The following PLD2 variants were observed in gnomAD, a reference collection of about 807,000 sequenced individuals.
PLD2 encodes choline phosphatase 2.
A neutral mutation model predicts 119.8 loss-of-function variants in PLD2; 101 were observed. The ratio of observed to expected loss-of-function variants is 0.84; its 90% CI spans 0.72 to 0.99. The LOEUF (loss-of-function observed/expected upper bound fraction) is 0.99. Ranked by LOEUF, PLD2 falls within the 50% of genes least tolerant of loss-of-function variation. The probability of loss-of-function intolerance (pLI) is 0.00; values close to 1 mark genes in which losing one functional copy is unlikely to be tolerated. For synonymous variants in PLD2, 494 were observed against 482.8 expected (o/e 1.02, Z -0.30); for missense variants, 1,164 against 1,226.8 (o/e 0.95, Z 0.76).
chr17:4,823,037 G>T lies in PLD2; in HGVS notation c.*173G>T. On this transcript the variant is annotated 3_prime_UTR_variant, in exon 25 of 25. Coordinates refer to ENST00000263088, the MANE Select transcript of PLD2 (RefSeq NM_002663.5). ...CCCTTACGTGAGAAATAGCTGAAAA[G>T]GGCACTCCCAACCCTGGGCTGGGGA... 1 of 581,722 alleles carries T rather than the reference G, an allele frequency of 1.7e-6. No homozygotes were observed. The highest frequency in any genetic ancestry group is 3.1e-6 in the Non-Finnish European group (1 of 326,364). 36.0% of individuals were successfully genotyped at this position (581,722 alleles called of 1,614,324 possible).
At position 4,816,956 on chromosome 17, in the gene PLD2, G is replaced by C. The variant is rs765225142; in HGVS notation, c.1602G>C (p.Thr534=). The C allele has an allele frequency of 1.2e-6, 2 of 1,613,514 alleles. No homozygotes were observed. The highest frequency in any genetic ancestry group is 1.7e-6 in the Non-Finnish European group (2 of 1,179,662). The change falls in exon 16 of 25, where the codon ACG becomes ACC. Residue 534 remains threonine, a synonymous_variant. Coordinates refer to ENST00000263088, the MANE Select transcript of PLD2 (RefSeq NM_002663.5). ...CCCCAGATTTCATTGACAGGGAGAC[G>C]ACCCCTCGGATGCCATGGCGGGACG... ...RPFEDFIDRE[T]TPRMPWRDVG...
chr17:4,812,898 G>C (rs1045306290), intron 10 of PLD2, among the ~76,000 whole-genome samples: 1 of 152,204 alleles, frequency 6.6e-6, no homozygotes, highest in East Asian at 1.9e-4. Context: ...GGAGCAGTCA[G>C]AGGAGAAGCT....
rs370530803 is a variant in PLD2, at chr17:4,821,792, G to T, written c.2463-1G>T. On this transcript the variant is annotated splice_acceptor_variant, in intron 23 of 24. Transcript: ENST00000263088. LOFTEE classifies it high-confidence loss of function. The stretch of plus-strand genomic sequence containing the variant: ...CCTGCTGGGACCCCTTTCTCCTATA[G>T]TGTGATTCTTGGAGCAAATACCCGG... 6.2e-6 allele frequency: 10 copies of T among 1,608,670 alleles called. No homozygotes were observed. Among genetic ancestry groups the T allele is most frequent in the Non-Finnish European group, 6.8e-6 (8 of 1,175,100 alleles).
rs758547868 is a variant in PLD2 at position 4,817,155 on chromosome 17, G to A, written c.1711G>A (p.Ala571Thr). ...CATCCCTCCACGTCAGACCACCAAG[G>A]CCAAGTACAAGACTCCCACATACCC... ...QRWNFTKTTK[A>T]KYKTPTYPYL... is the part of the protein sequence containing the mutation. The change falls in exon 17 of 25, where the codon GCC becomes ACC. Residue 571 changes from alanine (A) to threonine (T), a missense_variant. Ala to Thr is a moderately conservative substitution (Grantham distance 58). Coordinates refer to ENST00000263088, the MANE Select transcript of PLD2 (RefSeq NM_002663.5). 2.5e-6 allele frequency: 4 copies of A among 1,613,240 alleles called. No individual in the cohort carries two copies. In the Admixed American group the frequency reaches 6.7e-5, roughly 27 times the overall value.
intron 10 of PLD2, among the ~76,000 whole-genome samples, chr17:4,813,087 G>A (rs1330588900): frequency 6.6e-6 from 1 of 152,202 alleles, no homozygotes; most frequent in Non-Finnish European, 1.5e-5. Flanking sequence ...CCAGCTCACT[G>A]CAGTCTCTGC....
rs1396081743 is a variant in PLD2, at chr17:4,819,034, C to T, written c.2174-50C>T. Reference sequence around the variant, plus strand: ...GGAGTGAGAGGAGGTGGGACAGGGCCCTGTGCACACAGAGCCACCTCTCAC... The same window carrying T: ...GGAGTGAGAGGAGGTGGGACAGGGCTCTGTGCACACAGAGCCACCTCTCAC... On this transcript the variant is annotated intron_variant, in intron 21 of 24. Transcript: ENST00000263088. This position sits in a 1 kb window ranked among gnomAD's most constrained non-coding sequence, Gnocchi z 4.2. 2.5e-6 allele frequency: 4 copies of T among 1,606,852 alleles called. No individual in the cohort carries two copies. Among genetic ancestry groups the T allele is most frequent in the Non-Finnish European group, 3.4e-6 (4 of 1,175,428 alleles).
Position 4,819,624 on chromosome 17 carries a change from G to A in PLD2, c.2462+42G>A, listed in dbSNP as rs1258586858. ...ATGCCACAGGGTGGGAGGGAGATGG[G>A]GGCGTCTGCCTTTTGAGCAGGACAA... On this transcript the variant is annotated intron_variant, in intron 23 of 24. Transcript: ENST00000263088. This position sits in a 1 kb window ranked among gnomAD's most constrained non-coding sequence, Gnocchi z 4.2. 18 of 1,563,430 alleles carry A rather than the reference G, an allele frequency of 1.2e-5. No homozygotes were observed. Among genetic ancestry groups the A allele is most frequent in the South Asian group, 2.4e-5 (2 of 83,398 alleles).
chr17:4,813,960 T>C (rs62073600), intron 10 of PLD2, among the ~76,000 whole-genome samples: 1,787 of 152,346 alleles, frequency 0.012, 17 homozygotes, highest in Non-Finnish European at 0.019. Context: ...TATTGAATAT[T>C]GATATTGAAT....
At position 4,814,633 on chromosome 17, in the gene PLD2, G is replaced by A. The variant is rs756460341; in HGVS notation, c.1095G>A (p.Trp365Ter). 4.3e-6 allele frequency: 7 copies of A among 1,614,148 alleles called. No homozygotes were observed. The South Asian group carries it at 7.7e-5, about 18-fold the overall frequency. ...AQEEIFITDWWLSPEVYLKRP... is the reference protein window; with the variant it reads ...AQEEIFITDW ...CCTAATCCACTGCCCTGAATCCCAGGTTGAGTCCTGAGGTTTACCTGAAGC... is the reference window on the plus strand; with the variant it reads ...CCTAATCCACTGCCCTGAATCCCAGATTGAGTCCTGAGGTTTACCTGAAGC... The change falls in exon 12 of 25, where the codon TGG becomes TGA. Residue 365 changes from tryptophan to a stop codon, truncating the protein, a stop_gained and splice_region_variant. Transcript: ENST00000263088. LOFTEE classifies it high-confidence loss of function.
At chr17:4,822,156 A>G (rs940063351) in intron 24 of PLD2, among the ~76,000 whole-genome samples, 2 of 152,094 alleles carry the variant, frequency 1.3e-5, no homozygotes, top group African/African-American at 4.8e-5. Flanking sequence ...TCAGCCTCCC[A>G]ACATGGCAAA....
Position 4,815,595 on chromosome 17 carries a change from C to A in PLD2, c.1284+9C>A, listed in dbSNP as rs370879009. Reference sequence around the variant, plus strand: ...TGCACCCCAACATAAAGGTGACTCTCGGCCTCAGAGACCCTCCCACATGAC... The same window carrying A: ...TGCACCCCAACATAAAGGTGACTCTAGGCCTCAGAGACCCTCCCACATGAC... On this transcript the variant is annotated intron_variant, in intron 13 of 24. Coordinates refer to ENST00000263088, the MANE Select transcript of PLD2 (RefSeq NM_002663.5). 3 of 1,606,624 alleles carry A rather than the reference C, an allele frequency of 1.9e-6. No individual in the cohort carries two copies. The highest frequency in any genetic ancestry group is 2.2e-5 in the East Asian group (1 of 44,824).
chr17:4,807,702 T>G lies in PLD2; in HGVS notation c.-1-70T>G. On this transcript the variant is annotated intron_variant, in intron 1 of 24. Transcript: ENST00000263088. This position sits in a 1 kb window ranked among gnomAD's most constrained non-coding sequence, Gnocchi z 5.4. ...GAGGATCTGGAAGAGATGGAGGACC[T>G]GCGGGAGTTAGGATGGGGGGCGGGT... The G allele has an allele frequency of 1.2e-6, 1 of 841,526 alleles. No homozygotes were observed. The highest frequency in any genetic ancestry group is 2.0e-6 in the Non-Finnish European group (1 of 510,054). The allele number at this position is 841,526 out of a possible 1,614,324, so 52.1% of individuals were successfully genotyped here. A position where few individuals can be genotyped will look rare whatever the true frequency, so the allele number is the denominator to read the frequency against.
Position 4,810,905 on chromosome 17 carries a change from C to G in PLD2, c.964C>G (p.Arg322Gly). The G allele has an allele frequency of 6.2e-7, 1 of 1,613,598 alleles. No individual in the cohort carries two copies. The highest frequency in any genetic ancestry group is 8.5e-7 in the Non-Finnish European group (1 of 1,179,930). Residue 322 changes from arginine to glycine, a missense_variant, in exon 10 of 25, where the codon CGG becomes GGG. Coordinates refer to ENST00000263088, the MANE Select transcript of PLD2 (RefSeq NM_002663.5). ...GPGRDFLQLH[R>G]HDSYAPPRPG... Reference sequence around the variant, plus strand: ...AGGCAGAGACTTCCTACAGCTGCACCGGCATGACAGCTACGCCCCACCCCG... The same window carrying G: ...AGGCAGAGACTTCCTACAGCTGCACGGGCATGACAGCTACGCCCCACCCCG...
At position 4,808,497 on chromosome 17, in the gene PLD2, C is replaced by T; in HGVS notation, c.383+81C>T. Reference sequence around the variant, plus strand: ...TGTCTGTCTCACCCCGGGGCCACAACCTTTCCTCCCTGCAACTCTGGCCAC... The same window carrying T: ...TGTCTGTCTCACCCCGGGGCCACAATCTTTCCTCCCTGCAACTCTGGCCAC... On this transcript the variant is annotated intron_variant, in intron 4 of 24. Coordinates refer to ENST00000263088, the MANE Select transcript of PLD2 (RefSeq NM_002663.5). This position sits in a 1 kb window ranked among gnomAD's most constrained non-coding sequence, Gnocchi z 4.1. 2.1e-6 allele frequency: 3 copies of T among 1,402,062 alleles called. No homozygotes were observed. Among genetic ancestry groups the T allele is most frequent in the Non-Finnish European group, 3.0e-6 (3 of 1,009,618 alleles). 86.9% of individuals were successfully genotyped at this position (1,402,062 alleles called of 1,614,324 possible).
rs1485204686 is a variant in PLD2 at position 4,807,539 on chromosome 17, C to T, written c.-1-233C>T. 2 of 370,624 alleles carry T rather than the reference C, an allele frequency of 5.4e-6. No homozygotes were observed. Among genetic ancestry groups the T allele is most frequent in the East Asian group, 8.4e-5 (2 of 23,688 alleles). 23.0% of individuals were successfully genotyped at this position (370,624 alleles called of 1,614,324 possible). On this transcript the variant is annotated intron_variant, in intron 1 of 24. Transcript: ENST00000263088. The surrounding 1 kb of genome is among the most constrained non-coding windows in gnomAD (Gnocchi z 5.4). ...GTTCCCCGGGGCTCTGGTTACGGGA[C>T]GGGGCGGGGGGCGGGGGGCGGGACT...
chr17:4,815,826 C>A lies in PLD2; in HGVS notation c.1347C>A (p.Asp449Glu). The change falls in exon 14 of 25, where the codon GAC becomes GAA. Residue 449 changes from aspartate to glutamate, a missense_variant. Asp to Glu is a conservative substitution (Grantham distance 45). Transcript: ENST00000263088. ...ATCATGAGAAGCTCCTGGTGGTGGA[C>A]CAAGTGGTAGCATTCCTGGGGGGAC... ...WAHHEKLLVV[D>E]QVVAFLGGLD... 1 of 1,614,098 alleles carries A rather than the reference C, an allele frequency of 6.2e-7. No individual in the cohort carries two copies. The highest frequency in any genetic ancestry group is 1.6e-4 in the Middle Eastern group (1 of 6,062).
chr17:4,818,057 A>C lies in PLD2; in HGVS notation c.1871A>C (p.Asn624Thr). Residue 624 changes from asparagine to threonine, a missense_variant, in exon 18 of 25, where the codon AAT (asparagine) becomes ACT (threonine). Asn to Thr is a moderately conservative substitution (Grantham distance 65, BLOSUM62 0). Coordinates refer to ENST00000263088, the MANE Select transcript of PLD2 (RefSeq NM_002663.5). ...SAGTLENSILNAYLHTIRESQ... is the reference protein window; with the variant it reads ...SAGTLENSILTAYLHTIRESQ... ...GGGACTCTGGAGAACTCCATCCTCA[A>C]TGCCTACCTGCACACCATCAGGGAG... 6.2e-7 allele frequency: 1 copy of C among 1,614,168 alleles called. No individual in the cohort carries two copies. The highest frequency in any genetic ancestry group is 8.5e-7 in the Non-Finnish European group (1 of 1,179,970).
intron 9 of PLD2, 145 bp downstream of exon 9, chr17:4,810,174 T>TCTAGC: frequency 2.5e-6 from 2 of 800,130 alleles, no homozygotes; most frequent in Non-Finnish European, 3.9e-6. Flanking sequence ...CAGGAACTGG[T>TCTAGC]CTAGCCAGAT....
Position 4,823,085 on chromosome 17 carries a change from A to C in PLD2, c.*221A>C. ...GGAGGAGGAGAGAGTCCCAGAGCTC[A>C]TCCCCCCTGCTGCCCAGTGCAAACC... On this transcript the variant is annotated 3_prime_UTR_variant, in exon 25 of 25. Coordinates refer to ENST00000263088, the MANE Select transcript of PLD2 (RefSeq NM_002663.5). The C allele has an allele frequency of 4.9e-5, 27 of 547,584 alleles. No individual in the cohort carries two copies. Among genetic ancestry groups the C allele is most frequent in the Non-Finnish European group, 5.5e-5 (17 of 306,976 alleles). 33.9% of individuals were successfully genotyped at this position (547,584 alleles called of 1,614,324 possible).
Sources: allele counts gnomAD v4.1 joint callset (sites outside exome capture counted in the v4.1 genomes callset), GRCh38; gene constraint gnomAD v4.1.1; non-coding constraint Gnocchi (gnomAD v3.1); transcripts MANE v1.5; gene names NCBI Gene and HGNC (gene_info 2026-07-23, HGNC 2026-07-21).